Variants in TEX48 observed in about 807,000 individuals in gnomAD.
TEX48 encodes testis expressed 48.
In TEX48, 10 loss-of-function variants were observed where a neutral mutation model predicts 13.2. The ratio of observed to expected loss-of-function variants is 0.75; its 90% CI spans 0.47 to 1.28. The LOEUF (loss-of-function observed/expected upper bound fraction) is 1.28. TEX48 is among the 50% of genes most tolerant of loss of function. The pLI is 0.00. For missense variants in TEX48, 116 were observed against 139.4 expected (o/e 0.83, Z 0.84); for synonymous variants, 45 against 52.3 (o/e 0.86, Z 0.60).
At position 114,668,342 on chromosome 9, in the gene TEX48, C is replaced by T; in HGVS notation, c.128-5G>A. The stretch of plus-strand genomic sequence containing the variant: ...CATCCTTCTGAAGCAGCAAATCTGG[C>T]AATGAGAATTCCACAGGGTCACGTG... On this transcript the variant is annotated splice_polypyrimidine_tract_variant and splice_region_variant and intron_variant, in intron 3 of 4. Transcript: ENST00000436752. 1.3e-6 allele frequency: 2 copies of T among 1,535,472 alleles called. No individual in the cohort carries two copies. Among genetic ancestry groups the T allele is most frequent in the East Asian group, 2.4e-5 (1 of 40,910 alleles).
chr9:114,669,953 A>G (rs184812361), intron 3 of TEX48, among the ~76,000 whole-genome samples: 196 of 152,328 alleles, frequency 1.3e-3, no homozygotes, highest in Non-Finnish European at 2.1e-3. Context: ...CTAGGTTTCT[A>G]GAAGAACAAC....
intron 1 of TEX48, among the ~76,000 whole-genome samples, chr9:114,672,343 TCTC>T (rs939896065): frequency 3.9e-5 from 6 of 152,204 alleles, no homozygotes; most frequent in African/African-American, 1.2e-4. Context: ...GGCTGGATGA[TCTC>T]CTCAAGGATC....
At chr9:114,677,019 G>GA (rs936931515) in intron 1 of TEX48, among the ~76,000 whole-genome samples, 2 of 152,102 alleles carry the variant, frequency 1.3e-5, no homozygotes, top group African/African-American at 2.4e-5. Flanking sequence ...CTGACTGTTG[G>GA]AAAAAAACTA....
chr9:114,673,792 G>T (rs1827996500), intron 1 of TEX48, among the ~76,000 whole-genome samples: 1 of 129,524 alleles, frequency 7.7e-6, no homozygotes, highest in Admixed American at 8.5e-5. Flanking sequence ...TAGCAAATAT[G>T]TGGGGGTAAA....
In TEX48 at chr9:114,671,264, A is replaced by G. The variant is rs143823383; in HGVS notation, c.127+119T>C. Reference sequence around the variant, plus strand: ...AGCCATCCAACACCCACCTCATTTTAAATTGGAATTATCACTCAGTGATAG... The same window carrying G: ...AGCCATCCAACACCCACCTCATTTTGAATTGGAATTATCACTCAGTGATAG... On this transcript the variant is annotated intron_variant, in intron 3 of 4. Transcript: ENST00000436752. The G allele has an allele frequency of 4.8e-4, 587 of 1,213,326 alleles. 6 individuals are homozygous for G. The African/African-American group carries it at 8.4e-3, about 17-fold the overall frequency. The allele number at this position is 1,213,326 out of a possible 1,614,324, so 75.2% of individuals were successfully genotyped here.
chr9:114,669,561 C>T (rs1827907661), intron 3 of TEX48, among the ~76,000 whole-genome samples: 1 of 152,160 alleles, frequency 6.6e-6, no homozygotes, highest in Admixed American at 6.5e-5. Context: ...CCTGCCTCAG[C>T]CTCCTGAATA....
chr9:114,679,932 G>A (rs1828154483), intron 1 of TEX48, among the ~76,000 whole-genome samples: 1 of 151,992 alleles, frequency 6.6e-6, no homozygotes, highest in Admixed American at 6.6e-5. Flanking sequence ...CTAATTAGGG[G>A]AGTCTGCACC....
At chr9:114,680,079 G>A (rs1472831503) in intron 1 of TEX48, among the ~76,000 whole-genome samples, 1 of 147,796 alleles carries the variant, frequency 6.8e-6, no homozygotes, top group Non-Finnish European at 1.5e-5. Flanking sequence ...CTCCAGAGAG[G>A]CTTTCAGATC....
At chr9:114,673,463 C>T (rs1438454411) in intron 1 of TEX48, among the ~76,000 whole-genome samples, 2 of 97,682 alleles carry the variant, frequency 2.0e-5, no homozygotes, top group African/African-American at 4.4e-5. Flanking sequence ...AAGAATAAAA[C>T]TCTGTCTCAA....
At chr9:114,670,858 A>G (rs59727257) in intron 3 of TEX48, among the ~76,000 whole-genome samples, 19,414 of 152,092 alleles carry the variant, frequency 0.13, 1,486 homozygotes, top group East Asian at 0.23. Flanking sequence ...CCTGAGCTAG[A>G]TGCTTATTTA....
chr9:114,681,077 T>C (rs1828190105), intron 1 of TEX48, among the ~76,000 whole-genome samples: 1 of 152,264 alleles, frequency 6.6e-6, no homozygotes, highest in East Asian at 1.9e-4. Flanking sequence ...CTTATGGATA[T>C]ACAAGAAAAT....
At chr9:114,668,930 A>T (rs1388052416) in intron 3 of TEX48, among the ~76,000 whole-genome samples, 9 of 151,740 alleles carry the variant, frequency 5.9e-5, no homozygotes, top group Admixed American at 5.9e-4. Flanking sequence ...TCAAACTCCT[A>T]GGCTCAAGCA....
intron 1 of TEX48, among the ~76,000 whole-genome samples, chr9:114,673,485 G>GA (rs58943378): frequency 3.0e-5 from 4 of 135,524 alleles, no homozygotes; most frequent in African/African-American, 1.1e-4. Flanking sequence ...AAAAAAAAAA[G>GA]AAAAGAAAAG....
Position 114,668,305 on chromosome 9 carries a change from G to A in TEX48, c.160C>T (p.Gln54Ter). ...LLLQKDELDRQNPKRINAVSH... is the reference protein window; with the variant it reads ...LLLQKDELDR Reference sequence around the variant, plus strand: ...ACTGCGTTAATGCGCTTGGGATTTTGTCTGTCAAGCTCATCCTTCTGAAGC... The same window carrying A: ...ACTGCGTTAATGCGCTTGGGATTTTATCTGTCAAGCTCATCCTTCTGAAGC... Residue 54 changes from glutamine (Q) to a stop codon, truncating the protein, a stop_gained, in exon 4 of 5, where the codon CAA (glutamine) becomes TAA (stop). Transcript: ENST00000436752. LOFTEE classifies it high-confidence loss of function. 2 of 1,535,682 alleles carry A rather than the reference G, an allele frequency of 1.3e-6. No homozygotes were observed. The highest frequency in any genetic ancestry group is 1.7e-6 in the Non-Finnish European group (2 of 1,146,892).
At chr9:114,673,922 C>T (rs1320703737) in intron 1 of TEX48, among the ~76,000 whole-genome samples, 2 of 151,610 alleles carry the variant, frequency 1.3e-5, no homozygotes, top group African/African-American at 4.8e-5. Context: ...CCTCCTGCTT[C>T]AGCCTCCCCA....
chr9:114,669,445 A>ATT lies in TEX48; in HGVS notation c.128-1110_128-1109dup, dbSNP rs56767824. ...AGGTGTGCACCACCATGGCTGGCTA[A>ATT]TTTTTTTTTTTTTGAGATAGAGTTT... On this transcript the variant is annotated intron_variant, in intron 3 of 4. Transcript: ENST00000436752. Among the ~76,000 whole-genome samples the ATT allele has an allele frequency of 2.5e-4, 36 of 143,396 alleles. 1 individual carries two copies. Among genetic ancestry groups the ATT allele is most frequent in the Admixed American group, 1.0e-3 (15 of 14,330 alleles). 94.1% of individuals were successfully genotyped at this position (143,396 alleles called of 152,430 possible). A position where few individuals can be genotyped will look rare whatever the true frequency, so the allele number is the denominator to read the frequency against.
chr9:114,681,475 ATC>A (rs1440916993), intron 1 of TEX48, among the ~76,000 whole-genome samples: 2 of 152,154 alleles, frequency 1.3e-5, no homozygotes, highest in Non-Finnish European at 2.9e-5. Context: ...ACCTCTTTGA[ATC>A]TCTGTTTTCT....
rs1265652743 is a variant in TEX48 at position 114,682,184 on chromosome 9, CTG to C, written c.-256_-255del. ...GCACGATGCCATGCTGGCCACCAGACTGTATACTGGGGCACAAGTCCTGGGGC... is the reference window on the plus strand; with the variant it reads ...GCACGATGCCATGCTGGCCACCAGACTATACTGGGGCACAAGTCCTGGGGC... On this transcript the variant is annotated 5_prime_UTR_variant, in exon 1 of 5. Transcript: ENST00000436752. The C allele has an allele frequency of 6.6e-6, 1 of 152,294 alleles. No homozygotes were observed. Among genetic ancestry groups the C allele is most frequent in the African/African-American group, 2.4e-5 (1 of 41,344 alleles). The allele number at this position is 152,294 out of a possible 1,614,324, so 9.4% of individuals were successfully genotyped here. A position where few individuals can be genotyped will look rare whatever the true frequency, so the allele number is the denominator to read the frequency against.
At chr9:114,670,278 GA>G (rs1827921206) in intron 3 of TEX48, among the ~76,000 whole-genome samples, 1 of 152,112 alleles carries the variant, frequency 6.6e-6, no homozygotes, top group South Asian at 2.1e-4. Context: ...CTTACCTTGG[GA>G]AAAGGCATTG....
Sources: gnomAD v4.1 joint callset for allele counts (sites outside exome capture counted in the v4.1 genomes callset) on GRCh38, gnomAD v4.1.1 for gene constraint, MANE v1.5 for transcripts, NCBI Gene and HGNC (gene_info 2026-07-23, HGNC 2026-07-21) for gene names.